The following WASHC2A variants were observed in gnomAD, a reference collection of about 807,000 sequenced individuals.
WASHC2A encodes WASH complex subunit 2A.
A neutral mutation model predicts 140.3 loss-of-function variants in WASHC2A; 82 were observed. The ratio of observed to expected loss-of-function variants is 0.58; its 90% CI spans 0.49 to 0.70. The LOEUF is 0.70. WASHC2A is among the 30% of genes least tolerant of loss of function. The probability of loss-of-function intolerance (pLI) is 0.00; values close to 1 mark genes in which losing one functional copy is unlikely to be tolerated. For synonymous variants in WASHC2A, 340 were observed against 560.8 expected (o/e 0.61, Z 5.56); for missense variants, 985 against 1,521.8 (o/e 0.65, Z 5.87).
intron 17 of WASHC2A, among the ~76,000 whole-genome samples, chr10:50,103,477 G>A (rs1473043599): frequency 2.0e-5 from 3 of 152,090 alleles, no homozygotes; most frequent in Non-Finnish European, 4.4e-5. Context: ...GGAGAATGGC[G>A]TGAATCCGGG....
chr10:50,092,396 A>G (rs1337787523), intron 11 of WASHC2A, among the ~76,000 whole-genome samples, 163 bp downstream of exon 11: 5 of 152,126 alleles, frequency 3.3e-5, no homozygotes, highest in African/African-American at 7.2e-5. Context: ...GGTGGCTCAC[A>G]CCTGTAATCC....
Position 50,068,085 on chromosome 10 carries a change from T to G in WASHC2A, c.4-20T>G. On this transcript the variant is annotated intron_variant, in intron 1 of 30. Transcript: ENST00000282633. ...TGCCGCCCTCAGGCTCAGCTTCTCT[T>G]CTCGTTTTTTTCGCTGCAGATGAAC... is the stretch of plus-strand genomic sequence containing the variant. The G allele has an allele frequency of 1.2e-6, 2 of 1,608,434 alleles. No individual in the cohort carries two copies. Among genetic ancestry groups the G allele is most frequent in the Non-Finnish European group, 1.7e-6 (2 of 1,178,190 alleles).
At chr10:50,087,972 T>G (rs1199526753) in intron 8 of WASHC2A, among the ~76,000 whole-genome samples, 1 of 151,654 alleles carries the variant, frequency 6.6e-6, no homozygotes, top group African/African-American at 2.4e-5. Flanking sequence ...CCCACCACCA[T>G]GCTCAGCCAA....
chr10:50,072,631 C>T (rs1255783539), intron 3 of WASHC2A, among the ~76,000 whole-genome samples: 1 of 151,752 alleles, frequency 6.6e-6, no homozygotes, highest in Non-Finnish European at 1.5e-5. Flanking sequence ...GGATGACAGG[C>T]ACCCGCCACC....
chr10:50,099,007 G>T (rs1440907664), intron 16 of WASHC2A, among the ~76,000 whole-genome samples: 2 of 152,044 alleles, frequency 1.3e-5, no homozygotes, highest in African/African-American at 4.8e-5. Context: ...TCTCTAAAGC[G>T]ATAGTTGAAC....
intron 3 of WASHC2A, among the ~76,000 whole-genome samples, chr10:50,070,455 T>G (rs1159556940): frequency 3.3e-5 from 5 of 152,236 alleles, no homozygotes; most frequent in African/African-American, 9.6e-5. Flanking sequence ...GAAAAAGGAT[T>G]ATTAAAGTAA....
At chr10:50,111,894 G>A (rs1465142353) in intron 20 of WASHC2A, among the ~76,000 whole-genome samples, 1 of 152,136 alleles carries the variant, frequency 6.6e-6, no homozygotes, top group African/African-American at 2.4e-5. Flanking sequence ...TGGGCGTCAT[G>A]TCACGCACCT....
chr10:50,090,515 A>AAAAAAAATATAT lies in WASHC2A; in HGVS notation c.733-260_733-259insAAAAAATATATA, dbSNP rs1214596899. Among the ~76,000 whole-genome samples, 15 of 108,736 alleles carry AAAAAAAATATAT rather than the reference A, an allele frequency of 1.4e-4. 1 individual carries two copies. Among genetic ancestry groups the AAAAAAAATATAT allele is most frequent in the African/African-American group, 4.6e-4 (14 of 30,754 alleles). The allele number at this position is 108,736 out of a possible 152,430, so 71.3% of individuals were successfully genotyped here. A position where few individuals can be genotyped will look rare whatever the true frequency, so the allele number is the denominator to read the frequency against. On this transcript the variant is annotated intron_variant, in intron 8 of 30. Transcript: ENST00000282633. Reference sequence around the variant, plus strand: ...TAGACTCCATCTCAAAAAAAAAAAAAATATATATATATATATTTATATTTA... The same window carrying AAAAAAAATATAT: ...TAGACTCCATCTCAAAAAAAAAAAAAAAAAAAATATATATATATATATATATATTTATATTTA...
intron 3 of WASHC2A, among the ~76,000 whole-genome samples, chr10:50,072,921 C>T (rs1304320575): frequency 1.3e-5 from 2 of 152,130 alleles, no homozygotes. Context: ...GTTTCTGGGT[C>T]TTATTAATTA....
At chr10:50,093,992 AG>A in intron 13 of WASHC2A, 75 bp downstream of exon 13, 1 of 1,605,966 alleles carries the variant, frequency 6.2e-7, no homozygotes, top group Non-Finnish European at 8.5e-7. Flanking sequence ...AGATGGAACA[AG>A]GTTGTTCCCA....
chr10:50,079,595 T>C (rs2490889), intron 4 of WASHC2A, among the ~76,000 whole-genome samples: 3 of 152,174 alleles, frequency 2.0e-5, no homozygotes, highest in Admixed American at 2.0e-4. Flanking sequence ...GACGGGGTTT[T>C]GCCATGTTGG....
intron 16 of WASHC2A, among the ~76,000 whole-genome samples, chr10:50,098,107 A>G (rs1840672271): frequency 6.6e-6 from 1 of 151,968 alleles, no homozygotes; most frequent in Non-Finnish European, 1.5e-5. Context: ...TCATTGTGAC[A>G]TTCTACCCCT....
Position 50,068,136 on chromosome 10 carries a change from C to G in WASHC2A, c.35C>G (p.Ala12Gly), listed in dbSNP as rs11552619. The G allele has an allele frequency of 3.2e-6, 5 of 1,548,058 alleles. No homozygotes were observed. Among genetic ancestry groups the G allele is most frequent in the Middle Eastern group, 4.6e-4 (2 of 4,354 alleles). ...CGGACGACCCCCGACCAGGAGCTGG[C>G]GCCAGCGTCGGAGCCCGTGTGGGAG... ...MNRTTPDQEL[A>G]PASEPVWERP... is the part of the protein sequence containing the mutation. The change falls in exon 2 of 31, where the codon GCG (alanine) becomes GGG (glycine). Residue 12 changes from alanine (A) to glycine (G), a missense_variant. Ala to Gly is a moderately conservative substitution (Grantham distance 60, BLOSUM62 0). Coordinates refer to ENST00000282633, the MANE Select transcript of WASHC2A (RefSeq NM_001005751.3).
intron 18 of WASHC2A, among the ~76,000 whole-genome samples, chr10:50,106,016 G>A (rs1220214900): frequency 1.3e-5 from 2 of 152,204 alleles, no homozygotes; most frequent in Non-Finnish European, 2.9e-5. Flanking sequence ...CCTGAAATGA[G>A]CAGAGAGGCA....
chr10:50,071,418 G>A lies in WASHC2A; in HGVS notation c.291+1707G>A, dbSNP rs570737722. Among the ~76,000 whole-genome samples, 125 of 151,870 alleles carry A rather than the reference G, an allele frequency of 8.2e-4. 1 individual carries two copies. In the Middle Eastern group the frequency reaches 0.01, roughly 12 times the overall value. On this transcript the variant is annotated intron_variant, in intron 3 of 30. Coordinates refer to ENST00000282633, the MANE Select transcript of WASHC2A (RefSeq NM_001005751.3). ...CCTCCCGGGTTCACGCCATTCTCCT[G>A]CCTCAGCCTTCCAAGTAGCTGGGAC...
intron 20 of WASHC2A, among the ~76,000 whole-genome samples, chr10:50,110,659 G>A (rs1303853263): frequency 2.6e-5 from 4 of 152,084 alleles, no homozygotes; most frequent in Non-Finnish European, 5.9e-5. Flanking sequence ...TTGGGAGGCC[G>A]AGGTGGGCGG....
chr10:50,097,020 TAAAAA>T (rs1554884891), intron 15 of WASHC2A, among the ~76,000 whole-genome samples: 1 of 126,278 alleles, frequency 7.9e-6, no homozygotes, highest in African/African-American at 2.7e-5. Context: ...CTGTGACAGT[TAAAAA>T]GAAAGGGGTC....
At chr10:50,102,530 C>T (rs1841299588) in intron 17 of WASHC2A, among the ~76,000 whole-genome samples, 1 of 152,076 alleles carries the variant, frequency 6.6e-6, no homozygotes, top group Admixed American at 6.6e-5. Flanking sequence ...GCCTGGAATT[C>T]CCCTTGTGGC....
In WASHC2A at chr10:50,095,225, T is replaced by A. The variant is rs1840356249; in HGVS notation, c.1240+18T>A. 1.3e-6 allele frequency: 2 copies of A among 1,542,124 alleles called. No individual in the cohort carries two copies. The highest frequency in any genetic ancestry group is 1.8e-6 in the Non-Finnish European group (2 of 1,137,106). On this transcript the variant is annotated intron_variant, in intron 14 of 30. Transcript: ENST00000282633. ...ATTTTTAGGTAACATAACTTAGGTT[T>A]GTTTTCTAAAAACTACACAAATACT...
Sources: gnomAD v4.1 joint callset for allele counts (sites outside exome capture counted in the v4.1 genomes callset) on GRCh38, gnomAD v4.1.1 for gene constraint, MANE v1.5 for transcripts, NCBI Gene and HGNC (gene_info 2026-07-23, HGNC 2026-07-21) for gene names.